The following TRDN variants were observed in gnomAD, a reference collection of about 807,000 sequenced individuals.
TRDN encodes the protein triadin in skeletal muscle.
A neutral mutation model predicts 149.7 loss-of-function variants in TRDN; 161 were observed. That is an observed-to-expected ratio of 1.08 (90% CI 0.95 to 1.23). The LOEUF (loss-of-function observed/expected upper bound fraction) is 1.23. Ranked by LOEUF, TRDN falls within the 50% of genes most tolerant of loss-of-function variation. TRDN has a pLI of 0.00. For missense variants in TRDN, 896 were observed against 823.5 expected, an observed-to-expected ratio of 1.09 and a Z score of -1.08; for synonymous variants, 294 against 250.5, an observed-to-expected ratio of 1.17 and a Z score of -1.64.
intron 9 of TRDN, among the ~76,000 whole-genome samples, chr6:123,483,204 G>A (rs1777838959): frequency 6.6e-6 from 1 of 151,040 alleles, no homozygotes. Flanking sequence ...CCAGGTTCAC[G>A]CCATTCTCCT....
At chr6:123,446,566 C>G (rs1411747189) in intron 10 of TRDN, among the ~76,000 whole-genome samples, 1 of 111,200 alleles carries the variant, frequency 9.0e-6, no homozygotes, top group African/African-American at 3.5e-5. Context: ...GTCTGGGCAA[C>G]AGAGCCAGAT....
Position 123,464,932 on chromosome 6 carries a change from G to T in TRDN, c.905C>A (p.Pro302His). The T allele has an allele frequency of 6.3e-7, 1 of 1,597,186 alleles. No individual in the cohort carries two copies. Residue 302 changes from proline (P) to histidine (H), a missense_variant, in exon 10 of 41, where the codon CCC becomes CAC. Transcript: ENST00000334268. ...PPLPTEQASR[P>H]TPASPALEEK... ...TTCAAGGGCAGGTGATGCCGGAGTG[G>T]GTCTGGAAGCTTGTTCTGTCGGTAA...
At chr6:123,249,756 A>T (rs1053816571) in intron 38 of TRDN, among the ~76,000 whole-genome samples, 2 of 152,188 alleles carry the variant, frequency 1.3e-5, no homozygotes, top group Admixed American at 1.3e-4. Context: ...AAAGATGGAA[A>T]TAATAGACAT....
chr6:123,562,895 T>C (rs1389080132), intron 2 of TRDN, among the ~76,000 whole-genome samples: 2 of 152,246 alleles, frequency 1.3e-5, no homozygotes, highest in Non-Finnish European at 2.9e-5. Context: ...ACTTTGCTAA[T>C]CTACATTTGA....
chr6:123,388,325 GA>G (rs898707433), intron 14 of TRDN, among the ~76,000 whole-genome samples, 196 bp downstream of exon 14: 1 of 152,086 alleles, frequency 6.6e-6, no homozygotes, highest in African/African-American at 2.4e-5. Context: ...AGAAAGACTA[GA>G]TTAAAATTAC....
At chr6:123,582,864 G>T (rs202014378) in intron 1 of TRDN, among the ~76,000 whole-genome samples, 520 of 3,488 alleles carry the variant, frequency 0.15, 4 homozygotes, top group African/African-American at 0.39. Flanking sequence ...GAGTGGGATT[G>T]GGGGGGCGTG....
At chr6:123,600,093 T>C (rs1784213328) in intron 1 of TRDN, among the ~76,000 whole-genome samples, 5 of 152,178 alleles carry the variant, frequency 3.3e-5, no homozygotes, top group Admixed American at 1.3e-4. Flanking sequence ...ATTGAATTGG[T>C]GTGCAGAGTT....
chr6:123,257,824 T>C (rs187066090), intron 35 of TRDN, among the ~76,000 whole-genome samples: 1 of 152,322 alleles, frequency 6.6e-6, no homozygotes, highest in East Asian at 1.9e-4. Flanking sequence ...CAGTGGTTTG[T>C]AGTTTTCATT....
At chr6:123,259,986 T>C (rs1196556178) in intron 34 of TRDN, among the ~76,000 whole-genome samples, 2 of 151,802 alleles carry the variant, frequency 1.3e-5, no homozygotes, top group African/African-American at 4.8e-5. Context: ...ATTTATCTTC[T>C]TTTTTTGAGA....
At chr6:123,607,868 T>A (rs1274518143) in intron 1 of TRDN, among the ~76,000 whole-genome samples, 6 of 148,656 alleles carry the variant, frequency 4.0e-5, no homozygotes, top group Admixed American at 1.3e-4. Flanking sequence ...TTTTTTTTTT[T>A]AATTAGAGAT....
intron 9 of TRDN, among the ~76,000 whole-genome samples, chr6:123,483,447 C>T (rs934256220): frequency 2.0e-5 from 3 of 152,020 alleles, no homozygotes; most frequent in African/African-American, 7.2e-5. Context: ...ATTACCACTT[C>T]CTCCCCTATT....
In TRDN at chr6:123,302,115, A is replaced by G. The variant is rs1175900449; in HGVS notation, c.1510+14342T>C. On this transcript the variant is annotated intron_variant, in intron 24 of 40. Transcript: ENST00000334268. ...TATATGTTTCTCTTGCAGGATCACT[A>G]TGGGAACTTTTAAATAGATATTATA... is the stretch of plus-strand genomic sequence containing the variant. Among the ~76,000 whole-genome samples, 3 of 151,460 alleles carry G rather than the reference A, an allele frequency of 2.0e-5. No homozygotes were observed. In the East Asian group the frequency reaches 5.8e-4, roughly 29 times the overall value.
chr6:123,352,547 A>G lies in TRDN; in HGVS notation c.1361T>C (p.Val454Ala), dbSNP rs745960330. The change falls in exon 21 of 41, where the codon GTG (valine) becomes GCG (alanine). Residue 454 changes from valine (V) to alanine (A), a missense_variant. Transcript: ENST00000334268. ...CCTTCATTTTTTTTTACCTTGCTCC[A>G]CTGTCTTGGTTGTTTTCTCTTCCTT... is the stretch of plus-strand genomic sequence containing the variant. The part of the protein sequence containing the change: ...GKKEEKTTKT[V>A]EQEIRKEKSG... The G allele has an allele frequency of 6.9e-5, 111 of 1,610,812 alleles. No individual in the cohort carries two copies. The highest frequency in any genetic ancestry group is 9.2e-5 in the Non-Finnish European group (108 of 1,178,412).
intron 38 of TRDN, among the ~76,000 whole-genome samples, chr6:123,243,206 A>G (rs1776053623): frequency 6.6e-6 from 1 of 152,038 alleles, no homozygotes; most frequent in South Asian, 2.1e-4. Flanking sequence ...CACAGCTGTC[A>G]CCAGTCTGAT....
At chr6:123,354,286 T>A (rs971429288) in intron 20 of TRDN, among the ~76,000 whole-genome samples, 1 of 151,882 alleles carries the variant, frequency 6.6e-6, no homozygotes, top group African/African-American at 2.4e-5. Flanking sequence ...TTGAGCCTTA[T>A]TCTTTTTGTT....
chr6:123,364,276 A>C (rs1781007058), intron 20 of TRDN, among the ~76,000 whole-genome samples: 1 of 152,200 alleles, frequency 6.6e-6, no homozygotes, highest in Non-Finnish European at 1.5e-5. Context: ...CAGGAGTTCA[A>C]CCTTTGCTTC....
At chr6:123,451,774 A>G in intron 10 of TRDN, among the ~76,000 whole-genome samples, 1 of 152,104 alleles carries the variant, frequency 6.6e-6, no homozygotes, top group East Asian at 1.9e-4. Context: ...GAATACCAAA[A>G]TCAGGAAAGG....
At chr6:123,444,862 G>A (rs1029611446) in intron 10 of TRDN, 1 of 152,180 alleles carries the variant, frequency 6.6e-6, no homozygotes, top group Non-Finnish European at 1.5e-5. Context: ...GCATTCCAGG[G>A]ATGAAGCCCA....
chr6:123,394,040 C>A (rs995529930), intron 12 of TRDN, among the ~76,000 whole-genome samples: 1 of 152,024 alleles, frequency 6.6e-6, no homozygotes, highest in African/African-American at 2.4e-5. Flanking sequence ...CATGTAGAAC[C>A]AAATAAGATG....
Sources: gnomAD v4.1 joint callset for allele counts (sites outside exome capture counted in the v4.1 genomes callset) on GRCh38, gnomAD v4.1.1 for gene constraint, MANE v1.5 for transcripts, NCBI Gene and HGNC (gene_info 2026-07-23, HGNC 2026-07-21) for gene names.